RBFOX1: variants seen among roughly 807,000 people sequenced by gnomAD.
RBFOX1 encodes RNA binding fox-1 homolog 1.
In RBFOX1, 8 loss-of-function variants were observed where a neutral mutation model predicts 57.7. The observed-to-expected ratio is 0.14, with a 90% CI of 0.08 to 0.25. The LOEUF is 0.25. RBFOX1 is among the 10% of genes least tolerant of loss of function. The pLI, the probability that RBFOX1 is intolerant of heterozygous loss-of-function variation, is 1.00. For synonymous variants in RBFOX1, 326 were observed against 222.4 expected (o/e 1.47, Z -4.15); for missense variants, 611 against 548.5 (o/e 1.11, Z -1.14).
chr16:5,326,821 C>T (rs1460269298), intron 1 of RBFOX1, among the ~76,000 whole-genome samples: 1 of 152,184 alleles, frequency 6.6e-6, no homozygotes, highest in Non-Finnish European at 1.5e-5. Context: ...CTGCTAATTC[C>T]ATTTTAATAT....
At chr16:6,891,585 A>G (rs988503995) in intron 3 of RBFOX1, among the ~76,000 whole-genome samples, 6 of 152,198 alleles carry the variant, frequency 3.9e-5, no homozygotes, top group African/African-American at 1.4e-4. Context: ...CAGGCATAGC[A>G]TTCCTCAGCA....
intron 4 of RBFOX1, among the ~76,000 whole-genome samples, chr16:7,148,012 G>C (rs1601002101): frequency 1.3e-5 from 2 of 152,132 alleles, no homozygotes; most frequent in Admixed American, 1.3e-4. Flanking sequence ...AAAGGTAAGA[G>C]CTGCCACTTC....
At chr16:7,311,838 A>C (rs2096317010) in intron 4 of RBFOX1, among the ~76,000 whole-genome samples, 1 of 152,194 alleles carries the variant, frequency 6.6e-6, no homozygotes, top group East Asian at 1.9e-4. Context: ...GTGTTTCTGA[A>C]GTTATATGTA....
At chr16:6,148,259 A>G (rs111523677) in intron 1 of RBFOX1, among the ~76,000 whole-genome samples, 4,895 of 152,284 alleles carry the variant, frequency 0.032, 232 homozygotes, top group African/African-American at 0.1. Context: ...TCTGGGAGGT[A>G]GAGGTTGCAG....
intron 3 of RBFOX1, among the ~76,000 whole-genome samples, chr16:6,974,245 G>A (rs1329509904): frequency 6.6e-6 from 1 of 151,546 alleles, no homozygotes; most frequent in Non-Finnish European, 1.5e-5. Context: ...CCCTATGAAT[G>A]CAGAGAGGCA....
At chr16:5,641,701 C>A (rs1042096074) in intron 3 of RBFOX1, among the ~76,000 whole-genome samples, 1 of 152,142 alleles carries the variant, frequency 6.6e-6, no homozygotes, top group Non-Finnish European at 1.5e-5. Flanking sequence ...GAGGCGGGGG[C>A]ATGTTGACTT....
chr16:5,904,275 A>G (rs1468410474), intron 4 of RBFOX1, among the ~76,000 whole-genome samples: 1 of 152,018 alleles, frequency 6.6e-6, no homozygotes, highest in Non-Finnish European at 1.5e-5. Flanking sequence ...TAAATAAGAA[A>G]TCTGCATGCC....
chr16:6,818,601 A>G (rs8055060), intron 3 of RBFOX1, among the ~76,000 whole-genome samples: 1 of 152,000 alleles, frequency 6.6e-6, no homozygotes, highest in Non-Finnish European at 1.5e-5. Flanking sequence ...TTTAACCTCT[A>G]GTAGGGCATG....
intron 3 of RBFOX1, among the ~76,000 whole-genome samples, chr16:6,853,681 C>G (rs766326177): frequency 1.3e-5 from 2 of 152,144 alleles, no homozygotes; most frequent in African/African-American, 4.8e-5. Context: ...ATTTGTGAAC[C>G]TGTAGCAATT....
At chr16:5,636,945 G>T (rs900089455) in intron 3 of RBFOX1, among the ~76,000 whole-genome samples, 1 of 152,172 alleles carries the variant, frequency 6.6e-6, no homozygotes, top group African/African-American at 2.4e-5. Flanking sequence ...TGGGAGCCAG[G>T]ATTTGCCAGC....
chr16:7,369,383 G>C (rs530376482), intron 4 of RBFOX1, among the ~76,000 whole-genome samples: 1 of 151,960 alleles, frequency 6.6e-6, no homozygotes, highest in Non-Finnish European at 1.5e-5. Context: ...ATGGTGTCCC[G>C]CAGACTCTCC....
intron 2 of RBFOX1, among the ~76,000 whole-genome samples, chr16:5,539,172 G>A (rs534834651): frequency 4.5e-4 from 68 of 152,320 alleles, no homozygotes; most frequent in African/African-American, 1.6e-3. Context: ...AGTGCAGGAA[G>A]TGCTGGGAGA....
chr16:5,948,779 T>G (rs2059456936), intron 4 of RBFOX1, among the ~76,000 whole-genome samples: 1 of 152,098 alleles, frequency 6.6e-6, no homozygotes, highest in Non-Finnish European at 1.5e-5. Flanking sequence ...GAGAGAATAA[T>G]CTCCTGTTGT....
At chr16:5,924,166 C>A (rs879390499) in intron 4 of RBFOX1, among the ~76,000 whole-genome samples, 1 of 152,150 alleles carries the variant, frequency 6.6e-6, no homozygotes, top group African/African-American at 2.4e-5. Context: ...TTGCCTTCTG[C>A]CATTATTGTA....
intron 4 of RBFOX1, among the ~76,000 whole-genome samples, chr16:6,013,209 C>G (rs1303735280): frequency 6.6e-6 from 1 of 152,088 alleles, no homozygotes; most frequent in Admixed American, 6.6e-5. Flanking sequence ...TCTGTTATTT[C>G]TAAAAGATGA....
At chr16:7,118,409 A>T (rs939176580) in intron 4 of RBFOX1, among the ~76,000 whole-genome samples, 1 of 152,042 alleles carries the variant, frequency 6.6e-6, no homozygotes, top group Non-Finnish European at 1.5e-5. Flanking sequence ...ATGCCTGTTC[A>T]AGTCAGAGAC....
chr16:6,919,450 G>GT lies in RBFOX1; in HGVS notation c.-15-132596dup, dbSNP rs59195239. Among the ~76,000 whole-genome samples the GT allele has an allele frequency of 5.4e-3, 808 of 149,544 alleles. 2 individuals are homozygous for GT. The highest frequency in any genetic ancestry group is 0.017 in the African/African-American group (698 of 40,778). ...GCTCCCCCAAACTGGAACATAGAGG[G>GT]TTTTTTTTTTTAAGTAAACTTCTCA... On this transcript the variant is annotated intron_variant, in intron 3 of 15. Coordinates refer to ENST00000550418, the MANE Select transcript of RBFOX1 (RefSeq NM_018723.4).
chr16:6,391,462 A>G (rs940949947), intron 2 of RBFOX1, among the ~76,000 whole-genome samples: 4 of 151,276 alleles, frequency 2.6e-5, no homozygotes, highest in Non-Finnish European at 4.4e-5. Flanking sequence ...GTGAGCCGAG[A>G]TCGCACCACT....
intron 1 of RBFOX1, among the ~76,000 whole-genome samples, chr16:6,299,951 A>G (rs1377874784): frequency 6.6e-6 from 1 of 152,228 alleles, no homozygotes; most frequent in Non-Finnish European, 1.5e-5. Context: ...CTACAGTTAA[A>G]ATAAATCTAA....
Sources: allele counts gnomAD v4.1 joint callset (sites outside exome capture counted in the v4.1 genomes callset), GRCh38; gene constraint gnomAD v4.1.1; transcripts MANE v1.5; gene names NCBI Gene and HGNC (gene_info 2026-07-23, HGNC 2026-07-21).